The following GPC5 variants were observed in gnomAD, a reference collection of about 807,000 sequenced individuals.
GPC5 encodes the protein glypican-5.
Under a neutral mutation model 53.9 loss-of-function variants are expected in GPC5, and 47 were observed. The observed-to-expected ratio is 0.87, with a 90% confidence interval of 0.69 to 1.11. The LOEUF is 1.11. GPC5 is among the 50% of genes most tolerant of loss of function. The probability of loss-of-function intolerance (pLI) is 0.00; values close to 1 mark genes in which losing one functional copy is unlikely to be tolerated. For synonymous variants in GPC5, 286 were observed against 263.3 expected (o/e 1.09, Z -0.84); for missense variants, 748 against 713.1 (o/e 1.05, Z -0.56).
intron 7 of GPC5, among the ~76,000 whole-genome samples, chr13:92,792,250 A>G (rs1025947003): frequency 3.3e-5 from 5 of 152,160 alleles, no homozygotes; most frequent in African/African-American, 1.2e-4. Context: ...AGTGGGGGCC[A>G]ATATTCACAT....
chr13:92,816,599 G>T (rs1296340587), intron 7 of GPC5, among the ~76,000 whole-genome samples: 3 of 151,864 alleles, frequency 2.0e-5, no homozygotes, highest in African/African-American at 4.9e-5. Context: ...TCACTTAATT[G>T]TACTGTTCTA....
chr13:91,458,720 G>GAAGTCATT (rs2139132983), intron 2 of GPC5, among the ~76,000 whole-genome samples: 1 of 152,214 alleles, frequency 6.6e-6, no homozygotes, highest in Non-Finnish European at 1.5e-5. Flanking sequence ...CAGAGGAAAA[G>GAAGTCATT]AAGTCATTAT....
intron 2 of GPC5, among the ~76,000 whole-genome samples, chr13:91,690,433 G>T (rs770822660): frequency 1.1e-4 from 16 of 152,020 alleles, no homozygotes; most frequent in Non-Finnish European, 2.1e-4. Flanking sequence ...AACTCAAAGA[G>T]TAATCAGAAT....
At chr13:92,109,061 G>GTTTTTTT (rs35762919) in intron 6 of GPC5, among the ~76,000 whole-genome samples, 10 of 87,522 alleles carry the variant, frequency 1.1e-4, no homozygotes, top group South Asian at 4.9e-4. Context: ...CAATATGTTG[G>GTTTTTTT]TTTTTTTTTT....
Position 92,263,021 on chromosome 13 carries a change from A to G in GPC5, c.1561+118032A>G, listed in dbSNP as rs116380169. ...TTTTATACATTGTCATAAAGATGGAACACCTTGGTTTATATTTTTATGACA... is the reference window on the plus strand; with the variant it reads ...TTTTATACATTGTCATAAAGATGGAGCACCTTGGTTTATATTTTTATGACA... On this transcript the variant is annotated intron_variant, in intron 7 of 7. Transcript: ENST00000377067. 3.6e-3 allele frequency among the ~76,000 whole-genome samples: 544 copies of G among 152,274 alleles called. 3 individuals carry two copies. The highest frequency in any genetic ancestry group is 0.012 in the African/African-American group (513 of 41,564).
At chr13:91,459,021 G>T (rs1165167719) in intron 2 of GPC5, among the ~76,000 whole-genome samples, 1 of 151,942 alleles carries the variant, frequency 6.6e-6, no homozygotes. Context: ...AGGATGCAAA[G>T]ACATAAGAAT....
chr13:91,882,708 G>A (rs1267430443), intron 5 of GPC5, among the ~76,000 whole-genome samples: 1 of 49,256 alleles, frequency 2.0e-5, no homozygotes, highest in Non-Finnish European at 4.1e-5. Context: ...CAGTCTTAGA[G>A]TCTTTCTTTT....
In GPC5 at chr13:92,385,459, TAC is replaced by T. The variant is rs577282318; in HGVS notation, c.1561+240474_1561+240475del. 3.3e-3 allele frequency among the ~76,000 whole-genome samples: 424 copies of T among 126,862 alleles called. 35 individuals are homozygous for T. The highest frequency in any genetic ancestry group is 0.013 in the East Asian group (55 of 4,216). 83.2% of individuals were successfully genotyped at this position (126,862 alleles called of 152,430 possible). ...ATACATATATACATATATACATATA[TAC>T]ACATATATACATATATACATATATA... On this transcript the variant is annotated intron_variant, in intron 7 of 7. Transcript: ENST00000377067.
chr13:91,895,644 T>C (rs1432107076), intron 5 of GPC5, among the ~76,000 whole-genome samples: 2 of 151,962 alleles, frequency 1.3e-5, no homozygotes, highest in Non-Finnish European at 2.9e-5. Context: ...CTTTCTTTTT[T>C]TTTTTTTCTT....
intron 7 of GPC5, among the ~76,000 whole-genome samples, chr13:92,705,149 T>C (rs1887907558): frequency 6.6e-6 from 1 of 152,044 alleles, no homozygotes; most frequent in African/African-American, 2.4e-5. Flanking sequence ...TTTTTTTGTC[T>C]TGCCAACAAG....
intron 2 of GPC5, among the ~76,000 whole-genome samples, chr13:91,483,790 A>T (rs1182538549): frequency 6.6e-6 from 1 of 152,256 alleles, no homozygotes; most frequent in Non-Finnish European, 1.5e-5. Context: ...AAGCAAAATG[A>T]TGTATCATGA....
At chr13:91,893,565 T>C (rs1345617185) in intron 5 of GPC5, among the ~76,000 whole-genome samples, 1 of 152,076 alleles carries the variant, frequency 6.6e-6, no homozygotes, top group African/African-American at 2.4e-5. Flanking sequence ...AAAGATCTTA[T>C]AGCTTTCATT....
chr13:91,728,753 T>A, intron 4 of GPC5, 88 bp downstream of exon 4: 28 of 1,202,614 alleles, frequency 2.3e-5, no homozygotes, highest in South Asian at 2.5e-5. Flanking sequence ...TTAAATCGAA[T>A]AAAATTCAAT....
chr13:91,871,146 T>C (rs2039139657), intron 5 of GPC5, among the ~76,000 whole-genome samples: 2 of 152,344 alleles, frequency 1.3e-5, no homozygotes, highest in East Asian at 3.9e-4. Context: ...TTTGACAGCA[T>C]GTCAGTACTC....
At chr13:92,602,198 A>ATATG (rs1884081970) in intron 7 of GPC5, among the ~76,000 whole-genome samples, 1 of 136,968 alleles carries the variant, frequency 7.3e-6, no homozygotes, top group Non-Finnish European at 1.5e-5. Flanking sequence ...ATATATATAA[A>ATATG]TATATATATT....
chr13:91,635,927 C>T (rs1326745), intron 2 of GPC5, among the ~76,000 whole-genome samples: 139,258 of 152,192 alleles, frequency 0.92, 63,900 homozygotes, highest in East Asian at 1. Flanking sequence ...TCTCTACATT[C>T]ATGTGAGTCT....
intron 5 of GPC5, among the ~76,000 whole-genome samples, chr13:91,771,222 C>T (rs947124986): frequency 6.6e-6 from 1 of 152,168 alleles, no homozygotes; most frequent in Non-Finnish European, 1.5e-5. Flanking sequence ...ACAAAATTCT[C>T]ACCCTCAATG....
intron 7 of GPC5, chr13:92,446,586 A>G (rs1877836331): frequency 6.6e-6 from 1 of 152,088 alleles, no homozygotes; most frequent in Non-Finnish European, 1.5e-5. Flanking sequence ...GTTCTGCAAT[A>G]AACATGAGAG....
chr13:92,118,564 T>G (rs549642102), intron 6 of GPC5, among the ~76,000 whole-genome samples: 1 of 152,252 alleles, frequency 6.6e-6, no homozygotes, highest in African/African-American at 2.4e-5. Flanking sequence ...GGATTATTTC[T>G]CTATATATGA....
Sources: allele counts gnomAD v4.1 joint callset (sites outside exome capture counted in the v4.1 genomes callset), GRCh38; gene constraint gnomAD v4.1.1; transcripts MANE v1.5; gene names NCBI Gene and HGNC (gene_info 2026-07-23, HGNC 2026-07-21).